The following TSHR variants were observed in gnomAD, a reference collection of about 807,000 sequenced individuals.
TSHR encodes thyroid stimulating hormone receptor.
Under a neutral mutation model 64.1 loss-of-function variants are expected in TSHR, and 51 were observed. The observed-to-expected ratio is 0.80, with a 90% CI of 0.64 to 1.01. The LOEUF is 1.01. TSHR is among the 50% of genes least tolerant of loss of function. The pLI is 0.00. For synonymous variants in TSHR, 361 were observed against 361.9 expected (o/e 1.00, Z 0.03); for missense variants, 877 against 942.8 (o/e 0.93, Z 0.91).
At chr14:81,036,636 T>C (rs1000125470) in intron 1 of TSHR, among the ~76,000 whole-genome samples, 8 of 152,038 alleles carry the variant, frequency 5.3e-5, no homozygotes, top group African/African-American at 9.7e-5. Flanking sequence ...AAATAATTAC[T>C]AGTATGAAAA....
intron 1 of TSHR, among the ~76,000 whole-genome samples, chr14:81,004,558 T>C (rs1385842514): frequency 6.6e-6 from 1 of 152,172 alleles, no homozygotes; most frequent in Non-Finnish European, 1.5e-5. Context: ...ATCAGGCAAA[T>C]GCCCATCTGT....
intron 1 of TSHR, among the ~76,000 whole-genome samples, chr14:81,023,340 C>G (rs1177061201): frequency 6.6e-6 from 1 of 152,144 alleles, no homozygotes; most frequent in Non-Finnish European, 1.5e-5. Flanking sequence ...TTACCTTCCA[C>G]TGAGTCCCTC....
chr14:81,054,483 T>G (rs1885633617), intron 1 of TSHR, among the ~76,000 whole-genome samples: 1 of 152,164 alleles, frequency 6.6e-6, no homozygotes, highest in Non-Finnish European at 1.5e-5. Flanking sequence ...TTTCGAGGGC[T>G]CAGAAGAAAA....
intron 1 of TSHR, among the ~76,000 whole-genome samples, chr14:80,963,693 G>A (rs746005228): frequency 3.9e-5 from 6 of 152,184 alleles, no homozygotes; most frequent in Non-Finnish European, 8.8e-5. Context: ...ATGTCTTTGT[G>A]TCTTCATTCC....
intron 8 of TSHR, among the ~76,000 whole-genome samples, chr14:81,113,779 G>A (rs1231759382): frequency 6.6e-6 from 1 of 152,092 alleles, no homozygotes; most frequent in Non-Finnish European, 1.5e-5. Context: ...ACAAAATCTA[G>A]GAAATATTTT....
chr14:80,966,888 C>A (rs1453471815), intron 1 of TSHR, among the ~76,000 whole-genome samples: 8 of 152,134 alleles, frequency 5.3e-5, no homozygotes, highest in Admixed American at 4.6e-4. Context: ...CTCATTGTAT[C>A]TTCACATAGC....
intron 8 of TSHR, among the ~76,000 whole-genome samples, chr14:81,139,246 A>G (rs1891580590): frequency 6.6e-6 from 1 of 152,190 alleles, no homozygotes; most frequent in Non-Finnish European, 1.5e-5. Flanking sequence ...CATATCAGTG[A>G]GCAGTTTATC....
chr14:81,142,840 G>A, intron 9 of TSHR, 100 bp from the exon 10 acceptor site: 1 of 1,029,752 alleles, frequency 9.7e-7, no homozygotes, highest in Non-Finnish European at 1.5e-6. Context: ...AAACTCCTAG[G>A]CTCAAGCAAT....
chr14:81,132,523 T>C (rs889159689), intron 8 of TSHR, among the ~76,000 whole-genome samples: 11 of 152,244 alleles, frequency 7.2e-5, no homozygotes, highest in African/African-American at 2.7e-4. Context: ...CTGTATATAA[T>C]ACTGCAGGAC....
intron 1 of TSHR, among the ~76,000 whole-genome samples, chr14:81,048,177 C>A (rs983647379): frequency 6.6e-6 from 1 of 152,088 alleles, no homozygotes; most frequent in African/African-American, 2.4e-5. Context: ...CAACTCATCA[C>A]CCTACTTCCT....
In TSHR at chr14:81,145,754, A is replaced by G. The variant is rs567984570; in HGVS notation, c.*1401A>G. 4.3e-6 allele frequency: 1 copy of G among 233,064 alleles called. No individual in the cohort carries two copies. Among genetic ancestry groups the G allele is most frequent in the East Asian group, 6.0e-5 (1 of 16,556 alleles). 14.4% of individuals were successfully genotyped at this position (233,064 alleles called of 1,614,324 possible). ...CTGGACATAAAGCTTCTTTTCCCCAATAATTCTTCTTTACTTAAAATAGTC... is the reference window on the plus strand; with the variant it reads ...CTGGACATAAAGCTTCTTTTCCCCAGTAATTCTTCTTTACTTAAAATAGTC... On this transcript the variant is annotated 3_prime_UTR_variant, in exon 10 of 10. Transcript: ENST00000298171.
At chr14:81,104,617 A>C in intron 7 of TSHR, 1 of 985,436 alleles carries the variant, frequency 1.0e-6, no homozygotes, top group Non-Finnish European at 1.2e-6. Flanking sequence ...ATGTGCCACG[A>C]GTGAGTCCAA....
chr14:80,970,370 T>C (rs1335676117), intron 1 of TSHR, among the ~76,000 whole-genome samples: 1 of 152,240 alleles, frequency 6.6e-6, no homozygotes, highest in African/African-American at 2.4e-5. Context: ...TGGGCAGCTG[T>C]AGTCACAGAG....
At chr14:81,021,990 C>T (rs959268871) in intron 1 of TSHR, among the ~76,000 whole-genome samples, 3 of 151,666 alleles carry the variant, frequency 2.0e-5, no homozygotes, top group Admixed American at 6.6e-5. Flanking sequence ...CGGCCGCGTG[C>T]GGTGGCTCAC....
At position 81,143,057 on chromosome 14, in the gene TSHR, C is replaced by A. The variant is rs2140108960; in HGVS notation, c.999C>A (p.Ser333Arg). The change falls in exon 10 of 10, where the codon AGC (serine) becomes AGA (arginine). Residue 333 changes from serine to arginine, a missense_variant. Transcript: ENST00000298171. ...HQEYEENLGD[S>R]IVGYKEKSKF... ...AATATGAAGAGAATCTGGGTGACAG[C>A]ATTGTTGGGTACAAGGAAAAGTCCA... 1 of 1,614,166 alleles carries A rather than the reference C, an allele frequency of 6.2e-7. No homozygotes were observed. The highest frequency in any genetic ancestry group is 2.2e-5 in the East Asian group (1 of 44,878).
rs144127341 is a variant in TSHR at position 81,139,683 on chromosome 14, G to A, written c.697G>A (p.Val233Met). ...GVYSGPSLLD[V>M]SQTSVTALPS... ...TTTCTGTTCTCTGCCTCCCAGGGAC[G>A]TGTCTCAAACCAGTGTCACTGCCCT... The change falls in exon 9 of 10, where the codon GTG (valine) becomes ATG (methionine). Residue 233 changes from valine (V) to methionine (M), a missense_variant. Val to Met is a conservative substitution (Grantham distance 21). Coordinates refer to ENST00000298171, the MANE Select transcript of TSHR (RefSeq NM_000369.5). 2.0e-5 allele frequency: 33 copies of A among 1,613,946 alleles called. No homozygotes were observed. The highest frequency in any genetic ancestry group is 2.0e-4 in the Admixed American group (12 of 59,998).
chr14:80,960,378 G>A (rs779389325), intron 1 of TSHR, among the ~76,000 whole-genome samples: 4 of 152,148 alleles, frequency 2.6e-5, no homozygotes, highest in African/African-American at 4.8e-5. Context: ...CAACACCCAC[G>A]TGCTCCCCAA....
intron 1 of TSHR, among the ~76,000 whole-genome samples, chr14:81,000,148 T>G (rs1160903707): frequency 6.6e-6 from 1 of 152,038 alleles, no homozygotes; most frequent in African/African-American, 2.4e-5. Flanking sequence ...CCCAGGCTGG[T>G]CTCGAACTCC....
At chr14:81,082,402 C>G (rs546024018) in intron 3 of TSHR, among the ~76,000 whole-genome samples, 49 of 152,320 alleles carry the variant, frequency 3.2e-4, no homozygotes, top group African/African-American at 1.0e-3. Context: ...CTCTGTATCC[C>G]TGCTTTCACA....
Sources: gnomAD v4.1 joint callset for allele counts (sites outside exome capture counted in the v4.1 genomes callset) on GRCh38, gnomAD v4.1.1 for gene constraint, MANE v1.5 for transcripts, NCBI Gene and HGNC (gene_info 2026-07-23, HGNC 2026-07-21) for gene names.